PCDHA7: variants seen among roughly 807,000 people sequenced by gnomAD.
PCDHA7 encodes the protein protocadherin alpha-7.
PCDHA7 carries 37 observed loss-of-function variants against 57.2 expected under a neutral mutation model. That is an observed-to-expected ratio of 0.65 (90% CI 0.50 to 0.85). PCDHA7 has a LOEUF of 0.85. Ranked by LOEUF, PCDHA7 falls within the 40% of genes least tolerant of loss-of-function variation. PCDHA7 has a pLI of 0.00. For synonymous variants in PCDHA7, 553 were observed against 558.8 expected (o/e 0.99, Z 0.15); for missense variants, 1,188 against 1,241.8 (o/e 0.96, Z 0.65).
At chr5:140,860,134 T>C (rs1179708512) in intron 1 of PCDHA7, 1 of 150,772 alleles carries the variant, frequency 6.6e-6, no homozygotes, top group African/African-American at 2.4e-5. Flanking sequence ...TGTGTGTGTG[T>C]ATATATATGT....
At chr5:140,900,575 C>A (rs994036757) in intron 1 of PCDHA7, among the ~76,000 whole-genome samples, 5 of 152,330 alleles carry the variant, frequency 3.3e-5, no homozygotes, top group African/African-American at 1.2e-4. Flanking sequence ...CGGCACCGGC[C>A]CATTTTCTTT....
chr5:140,883,238 G>C (rs782322627), intron 1 of PCDHA7: 1 of 1,613,886 alleles, frequency 6.2e-7, no homozygotes, highest in African/African-American at 1.3e-5. Context: ...GGAGGCAGTT[G>C]ACAAAGGAAA....
At chr5:140,902,761 G>A (rs58783050) in intron 1 of PCDHA7, among the ~76,000 whole-genome samples, 3,599 of 148,306 alleles carry the variant, frequency 0.024, 139 homozygotes, top group African/African-American at 0.083. Flanking sequence ...TCATTCTTAT[G>A]TCTTTGCATT....
intron 1 of PCDHA7, chr5:140,871,261 C>T (rs1554165342): frequency 3.1e-6 from 5 of 1,613,864 alleles, no homozygotes; most frequent in Admixed American, 3.3e-5. Context: ...GTATACGGCG[C>T]TGTGGTGGTC....
At position 140,909,867 on chromosome 5, in the gene PCDHA7, C is replaced by T. The variant is rs544055697; in HGVS notation, c.2356-69082C>T. Among the ~76,000 whole-genome samples the T allele has an allele frequency of 2.8e-4, 43 of 152,282 alleles. 1 individual carries two copies. The highest frequency in any genetic ancestry group is 4.9e-4 in the Non-Finnish European group (33 of 68,020). On this transcript the variant is annotated intron_variant, in intron 1 of 3. Coordinates refer to ENST00000525929, the MANE Select transcript of PCDHA7 (RefSeq NM_018910.3). ...GACGTTTTCGGTCCCCTGGAGTCAA[C>T]GTCAGCTTAGAGACACTGTTCAGTA...
chr5:140,907,163 T>C (rs1019409387), intron 1 of PCDHA7, among the ~76,000 whole-genome samples: 1 of 152,162 alleles, frequency 6.6e-6, no homozygotes, highest in Non-Finnish European at 1.5e-5. Context: ...TACCATATAT[T>C]GGATGCTGAT....
At chr5:140,858,624 G>T (rs112932902) in intron 1 of PCDHA7, 7 of 1,115,778 alleles carry the variant, frequency 6.3e-6, no homozygotes, top group African/African-American at 4.7e-5. Context: ...CCTACCCAGT[G>T]TGTCAGCCTT....
chr5:140,915,077 C>G (rs2076970768), intron 1 of PCDHA7, among the ~76,000 whole-genome samples: 1 of 151,656 alleles, frequency 6.6e-6, no homozygotes. Flanking sequence ...TACTGAGTAG[C>G]TGGGACTATG....
chr5:140,850,322 C>G lies in PCDHA7; in HGVS notation c.2355+13584C>G, dbSNP rs2150479524. 264 of 1,597,382 alleles carry G rather than the reference C, an allele frequency of 1.7e-4. 27 individuals are homozygous for G. The highest frequency in any genetic ancestry group is 2.2e-4 in the Non-Finnish European group (252 of 1,167,724). ...CGGGCTACAACGCGTGGCTTTCATA[C>G]GAGCTGCAGCCAGAAACGGCCAGCG... On this transcript the variant is annotated intron_variant, in intron 1 of 3. Coordinates refer to ENST00000525929, the MANE Select transcript of PCDHA7 (RefSeq NM_018910.3).
chr5:141,009,576 T>C (rs2098411921), intron 3 of PCDHA7, 51 bp from the exon 4 acceptor site: 1 of 1,583,566 alleles, frequency 6.3e-7, no homozygotes. Flanking sequence ...CAGTGTGGCA[T>C]CAAGAGCATG....
intron 1 of PCDHA7, among the ~76,000 whole-genome samples, chr5:140,919,580 A>G (rs1454243319): frequency 1.3e-5 from 2 of 152,194 alleles, no homozygotes; most frequent in African/African-American, 4.8e-5. Context: ...TTAGAATGTA[A>G]CATGGTAATT....
In PCDHA7 at chr5:140,852,077, T is replaced by C. The variant is rs1291291529; in HGVS notation, c.2355+15339T>C. 28 of 903,448 alleles carry C rather than the reference T, an allele frequency of 3.1e-5. 1 individual carries two copies. The highest frequency in any genetic ancestry group is 3.8e-5 in the Non-Finnish European group (28 of 741,468). The allele number at this position is 903,448 out of a possible 1,614,324, so 56.0% of individuals were successfully genotyped here. ...ATATTTTTCTTTCTCTTTCAGCTAT[T>C]TTATTTAATATTGTGTCAGATATTT... is the stretch of plus-strand genomic sequence containing the variant. On this transcript the variant is annotated intron_variant, in intron 1 of 3. Coordinates refer to ENST00000525929, the MANE Select transcript of PCDHA7 (RefSeq NM_018910.3).
intron 1 of PCDHA7, among the ~76,000 whole-genome samples, chr5:140,905,079 T>C (rs2071581588): frequency 6.6e-6 from 1 of 152,168 alleles, no homozygotes; most frequent in Admixed American, 6.5e-5. Context: ...AGTTGCACTT[T>C]CTTTTGGGTT....
At position 140,958,540 on chromosome 5, in the gene PCDHA7, A is replaced by G. The variant is rs920451567; in HGVS notation, c.2356-20409A>G. 4.6e-5 allele frequency among the ~76,000 whole-genome samples: 7 copies of G among 152,312 alleles called. 1 individual carries two copies. In the East Asian group the frequency reaches 1.3e-3, roughly 29 times the overall value. On this transcript the variant is annotated intron_variant, in intron 1 of 3. Coordinates refer to ENST00000525929, the MANE Select transcript of PCDHA7 (RefSeq NM_018910.3). ...ATATATACTATGTGTACATTGATTT[A>G]TGAACCAATAAATGTTTCATACACA... is the stretch of plus-strand genomic sequence containing the variant.
intron 1 of PCDHA7, among the ~76,000 whole-genome samples, chr5:140,900,569 A>G (rs1166977648): frequency 2.6e-5 from 4 of 152,182 alleles, no homozygotes; most frequent in African/African-American, 9.7e-5. Context: ...GAGCCACGGC[A>G]CCGGCCCATT....
chr5:140,856,653 A>G (rs2044134498), intron 1 of PCDHA7: 1 of 1,598,162 alleles, frequency 6.3e-7, no homozygotes, highest in Admixed American at 1.7e-5. Flanking sequence ...CTGGATCGTG[A>G]AGAAAATCCT....
intron 1 of PCDHA7, among the ~76,000 whole-genome samples, chr5:140,910,536 C>G (rs1554194300): frequency 1.3e-5 from 2 of 152,168 alleles, no homozygotes; most frequent in African/African-American, 4.8e-5. Flanking sequence ...CCTCACAAAT[C>G]TATTTTGCAA....
At chr5:140,956,474 C>G (rs1585669580) in intron 1 of PCDHA7, among the ~76,000 whole-genome samples, 1 of 152,160 alleles carries the variant, frequency 6.6e-6, no homozygotes, top group East Asian at 1.9e-4. Flanking sequence ...ATATGTTGAA[C>G]CAGTCTTGCA....
chr5:140,916,211 G>C (rs1373329073), intron 1 of PCDHA7, among the ~76,000 whole-genome samples: 4 of 152,182 alleles, frequency 2.6e-5, no homozygotes, highest in Non-Finnish European at 5.9e-5. Flanking sequence ...CCCTGGGGAA[G>C]ATCCAAATAT....
Sources: gnomAD v4.1 joint callset for allele counts (sites outside exome capture counted in the v4.1 genomes callset) on GRCh38, gnomAD v4.1.1 for gene constraint, MANE v1.5 for transcripts, NCBI Gene and HGNC (gene_info 2026-07-23, HGNC 2026-07-21) for gene names.